The following RFX7 variants were observed in gnomAD, a reference collection of about 807,000 sequenced individuals.
RFX7 encodes regulatory factor X7, also known as DNA-binding protein RFX7.
A neutral mutation model predicts 111.8 loss-of-function variants in RFX7; 26 were observed. That is an observed-to-expected ratio of 0.23 (90% CI 0.17 to 0.32). RFX7 has a LOEUF of 0.32. RFX7 is among the 10% of genes least tolerant of loss of function. The probability of loss-of-function intolerance (pLI) is 1.00; values close to 1 mark genes in which losing one functional copy is unlikely to be tolerated. For synonymous variants in RFX7, 624 were observed against 624.4 expected, an observed-to-expected ratio of 1.00 and a Z score of 0.01; for missense variants, 1,573 against 1,772.9, an observed-to-expected ratio of 0.89 and a Z score of 2.02.
Position 56,105,797 on chromosome 15 carries a change from A to T in RFX7, c.402-2127T>A, listed in dbSNP as rs74018316. ...TTTGGGTCAAGGTTGAGGACTGCAG[A>T]CTGGGAAATGCTGAGAAGTGCTCCA... On this transcript the variant is annotated intron_variant, in intron 5 of 9. Coordinates refer to ENST00000559447, the MANE Select transcript of RFX7 (RefSeq NM_022841.7). 4.5e-3 allele frequency among the ~76,000 whole-genome samples: 689 copies of T among 152,304 alleles called. 11 individuals are homozygous for T. Among genetic ancestry groups the T allele is most frequent in the African/African-American group, 0.016 (672 of 41,574 alleles).
At chr15:56,180,250 T>C (rs1369973366) in intron 2 of RFX7, among the ~76,000 whole-genome samples, 1 of 152,122 alleles carries the variant, frequency 6.6e-6, no homozygotes, top group Non-Finnish European at 1.5e-5. Flanking sequence ...AACACAATCA[T>C]TAATAACAAA....
chr15:56,140,984 A>C (rs1465978095), intron 5 of RFX7, among the ~76,000 whole-genome samples: 4 of 152,234 alleles, frequency 2.6e-5, no homozygotes, highest in Admixed American at 1.3e-4. Context: ...CACTTCAAAA[A>C]TTATATGAAT....
intron 3 of RFX7, among the ~76,000 whole-genome samples, chr15:56,175,328 T>C (rs1292656902): frequency 1.3e-5 from 2 of 152,188 alleles, no homozygotes; most frequent in East Asian, 1.9e-4. Flanking sequence ...TAAAATTTGT[T>C]AATAAGACAT....
intron 3 of RFX7, among the ~76,000 whole-genome samples, chr15:56,168,680 A>G (rs1403038596): frequency 6.9e-6 from 1 of 144,838 alleles, no homozygotes; most frequent in African/African-American, 2.5e-5. Context: ...ACTTGCAGGT[A>G]GGGGTAGCCA....
rs966964234 is a variant in RFX7 at position 56,092,934 on chromosome 15, C to T, written c.*411G>A. On this transcript the variant is annotated 3_prime_UTR_variant, in exon 10 of 10. Transcript: ENST00000559447. ...GGAAGACTTTCTTGTCTACAGTTCA[C>T]CCTAGCTATGATTTTATATCTAAAA... 14 of 160,338 alleles carry T rather than the reference C, an allele frequency of 8.7e-5. No individual in the cohort carries two copies. The highest frequency in any genetic ancestry group is 1.5e-4 in the Non-Finnish European group (11 of 72,582). 9.9% of individuals were successfully genotyped at this position (160,338 alleles called of 1,614,324 possible).
chr15:56,195,701 A>G (rs1286318066), intron 2 of RFX7, among the ~76,000 whole-genome samples: 2 of 152,202 alleles, frequency 1.3e-5, no homozygotes, highest in Non-Finnish European at 2.9e-5. Context: ...GTTTGGAATC[A>G]TACAGTGGTG....
At chr15:56,133,350 AT>A (rs1157472325) in intron 5 of RFX7, among the ~76,000 whole-genome samples, 14 of 152,090 alleles carry the variant, frequency 9.2e-5, no homozygotes, top group African/African-American at 2.4e-4. Context: ...TTACAACTTC[AT>A]TTTTTTCCTC....
At chr15:56,224,549 T>A (rs1414114047) in intron 2 of RFX7, among the ~76,000 whole-genome samples, 1 of 151,782 alleles carries the variant, frequency 6.6e-6, no homozygotes, top group African/African-American at 2.4e-5. Flanking sequence ...ACCCCACTAA[T>A]ATTTTAACAA....
At chr15:56,184,023 GTTT>G (rs200495055) in intron 2 of RFX7, among the ~76,000 whole-genome samples, 1 of 139,176 alleles carries the variant, frequency 7.2e-6, no homozygotes, top group African/African-American at 2.6e-5. Context: ...GCATGTAGTT[GTTT>G]TTTTTTTTTT....
chr15:56,150,596 A>C (rs1200218694), intron 3 of RFX7, among the ~76,000 whole-genome samples: 1 of 152,236 alleles, frequency 6.6e-6, no homozygotes, highest in African/African-American at 2.4e-5. Flanking sequence ...AGATAAATCC[A>C]CAAAGATGAG....
intron 3 of RFX7, among the ~76,000 whole-genome samples, chr15:56,144,994 G>A (rs2042449532): frequency 6.6e-6 from 1 of 152,142 alleles, no homozygotes; most frequent in African/African-American, 2.4e-5. Flanking sequence ...ACCTGTGGAT[G>A]GAACTGAGGT....
At chr15:56,111,971 C>T (rs1452823309) in intron 5 of RFX7, among the ~76,000 whole-genome samples, 5 of 151,856 alleles carry the variant, frequency 3.3e-5, no homozygotes, top group Non-Finnish European at 5.9e-5. Context: ...AAAAACTAGC[C>T]GGGCGTGGTG....
rs368258249 is a variant in RFX7, at chr15:56,141,656, A to AATATATAT, written c.401+1114_401+1121dup. The stretch of plus-strand genomic sequence containing the variant: ...TAATGAAGAATCTATGCTTACTCTA[A>AATATATAT]ATATATATATATATATATATGCATA... On this transcript the variant is annotated intron_variant, in intron 5 of 9. Transcript: ENST00000559447. 3.0e-3 allele frequency among the ~76,000 whole-genome samples: 246 copies of AATATATAT among 83,182 alleles called. 40 individuals are homozygous for AATATATAT. Among genetic ancestry groups the AATATATAT allele is most frequent in the African/African-American group, 0.012 (186 of 15,280 alleles). The allele number at this position is 83,182 out of a possible 152,430, so 54.6% of individuals were successfully genotyped here. A position where few individuals can be genotyped will look rare whatever the true frequency, so the allele number is the denominator to read the frequency against.
At chr15:56,123,372 G>A (rs1160286351) in intron 5 of RFX7, among the ~76,000 whole-genome samples, 2 of 152,176 alleles carry the variant, frequency 1.3e-5, no homozygotes, top group South Asian at 4.1e-4. Context: ...GGGAGCTAGA[G>A]CCTGAAATGG....
chr15:56,215,216 TA>T (rs2043351718), intron 2 of RFX7, among the ~76,000 whole-genome samples: 1 of 152,224 alleles, frequency 6.6e-6, no homozygotes, highest in Admixed American at 6.5e-5. Context: ...AAGTGCTATG[TA>T]AATAGCTGTA....
chr15:56,105,950 T>C (rs1478192759), intron 5 of RFX7, among the ~76,000 whole-genome samples: 3 of 152,188 alleles, frequency 2.0e-5, no homozygotes, highest in Admixed American at 6.5e-5. Flanking sequence ...TTGCTATACA[T>C]TGTTGAACTA....
intron 6 of RFX7, 51 bp downstream of exon 6, chr15:56,103,503 T>A: frequency 8.5e-7 from 1 of 1,171,916 alleles, no homozygotes; most frequent in Non-Finnish European, 1.2e-6. Context: ...AGATGTTCTA[T>A]AACAAGTGAG....
chr15:56,229,823 G>A (rs2043529623), intron 2 of RFX7, among the ~76,000 whole-genome samples: 1 of 151,952 alleles, frequency 6.6e-6, no homozygotes, highest in South Asian at 2.1e-4. Flanking sequence ...AAGATCTTTG[G>A]ACCCCTGCCC....
At chr15:56,231,106 T>C (rs1471697780) in intron 2 of RFX7, among the ~76,000 whole-genome samples, 5 of 152,184 alleles carry the variant, frequency 3.3e-5, no homozygotes, top group African/African-American at 1.2e-4. Context: ...CCTGAGGGAC[T>C]GAAGTGGATG....
Sources: allele counts gnomAD v4.1 joint callset (sites outside exome capture counted in the v4.1 genomes callset), GRCh38; gene constraint gnomAD v4.1.1; transcripts MANE v1.5; gene names NCBI Gene and HGNC (gene_info 2026-07-23, HGNC 2026-07-21).